Variants in LHFPL3 observed in about 807,000 individuals in gnomAD.
The protein encoded by LHFPL3 is LHFPL tetraspan subfamily member 3, also known as LHFPL tetraspan subfamily member 3 protein.
Under a neutral mutation model 19.3 loss-of-function variants are expected in LHFPL3, and 5 were observed. The observed-to-expected ratio is 0.26, with a 90% CI of 0.14 to 0.54. The LOEUF (loss-of-function observed/expected upper bound fraction) is 0.54. Among genes scored for constraint, LHFPL3 ranks in the 20% least tolerant of loss-of-function variants. The pLI, the probability that LHFPL3 is intolerant of heterozygous loss-of-function variation, is 0.94. For synonymous variants in LHFPL3, 133 were observed against 126.2 expected, an observed-to-expected ratio of 1.05 and a Z score of -0.36; for missense variants, 249 against 307.4, an observed-to-expected ratio of 0.81 and a Z score of 1.42.
At chr7:104,420,669 C>T (rs1206555206) in intron 1 of LHFPL3, among the ~76,000 whole-genome samples, 3 of 150,160 alleles carry the variant, frequency 2.0e-5, no homozygotes, top group Non-Finnish European at 4.4e-5. Flanking sequence ...ACGCCATTCT[C>T]CTGCCTCAGC....
At chr7:104,737,055 C>A in intron 2 of LHFPL3, 144 bp downstream of exon 2, 1 of 620,572 alleles carries the variant, frequency 1.6e-6, no homozygotes, top group Non-Finnish European at 2.8e-6. Flanking sequence ...GCAGACTTTA[C>A]CCCAGACTCA....
chr7:104,814,157 G>T (rs1448303203), intron 2 of LHFPL3, among the ~76,000 whole-genome samples: 2 of 152,108 alleles, frequency 1.3e-5, no homozygotes, highest in African/African-American at 4.8e-5. Flanking sequence ...TCGGCTCCTA[G>T]CAGAGGGTAG....
At chr7:104,420,853 C>T (rs1171399001) in intron 1 of LHFPL3, among the ~76,000 whole-genome samples, 2 of 152,186 alleles carry the variant, frequency 1.3e-5, no homozygotes, top group Admixed American at 1.3e-4. Flanking sequence ...TGAGCCACCG[C>T]GCCCGGCCCC....
intron 1 of LHFPL3, among the ~76,000 whole-genome samples, chr7:104,576,128 C>A (rs1790334607): frequency 6.6e-6 from 1 of 151,386 alleles, no homozygotes; most frequent in Non-Finnish European, 1.5e-5. Context: ...GGAAAATTCA[C>A]ATTTGAGGAG....
chr7:104,391,975 G>A (rs951201797), intron 1 of LHFPL3, among the ~76,000 whole-genome samples: 1 of 152,100 alleles, frequency 6.6e-6, no homozygotes, highest in Non-Finnish European at 1.5e-5. Flanking sequence ...CTCATGATTT[G>A]GCTTTCTGTT....
chr7:104,371,161 G>A (rs983396885), intron 1 of LHFPL3, among the ~76,000 whole-genome samples: 3 of 152,094 alleles, frequency 2.0e-5, no homozygotes, highest in African/African-American at 7.2e-5. Flanking sequence ...ATTCTTGAGA[G>A]CATAGACTCT....
At chr7:104,719,991 T>A (rs892338647) in intron 1 of LHFPL3, among the ~76,000 whole-genome samples, 4 of 152,068 alleles carry the variant, frequency 2.6e-5, no homozygotes, top group Non-Finnish European at 5.9e-5. Context: ...CCAAACCAAC[T>A]GAGAGCGATG....
intron 1 of LHFPL3, among the ~76,000 whole-genome samples, chr7:104,367,327 G>A (rs1445253289): frequency 6.6e-6 from 1 of 152,134 alleles, no homozygotes; most frequent in African/African-American, 2.4e-5. Flanking sequence ...TAAACATCAG[G>A]GCAGCCCTTG....
At chr7:104,607,530 A>T (rs548460705) in intron 1 of LHFPL3, among the ~76,000 whole-genome samples, 77 of 152,348 alleles carry the variant, frequency 5.1e-4, no homozygotes, top group Admixed American at 1.0e-3. Context: ...AGTCATCACC[A>T]TGAGTAAGTC....
chr7:104,435,295 A>G (rs1792081305), intron 1 of LHFPL3, among the ~76,000 whole-genome samples: 1 of 151,982 alleles, frequency 6.6e-6, no homozygotes, highest in African/African-American at 2.4e-5. Context: ...GGCATGTGCC[A>G]CTATGCCTGG....
chr7:104,561,288 A>T (rs1448531500), intron 1 of LHFPL3, among the ~76,000 whole-genome samples: 2 of 148,638 alleles, frequency 1.3e-5, no homozygotes, highest in East Asian at 3.9e-4. Context: ...GGGGTGTTAA[A>T]GTCTCTCATT....
Position 104,736,823 on chromosome 7 carries a change from G to C in LHFPL3, c.594G>C (p.Leu198Phe). 1 of 1,613,064 alleles carries C rather than the reference G, an allele frequency of 6.2e-7. No homozygotes were observed. The change falls in exon 2 of 3, where the codon TTG becomes TTC. Residue 198 changes from leucine to phenylalanine, a missense_variant. Coordinates refer to ENST00000424859, the MANE Select transcript of LHFPL3 (RefSeq NM_199000.3). ...ACATCCTGGCTATTATTGGAATTTT[G>C]GATGCCCTGATCCTCTCATTTCTAG... ...WAYILAIIGI[L>F]DALILSFLAF...
intron 1 of LHFPL3, among the ~76,000 whole-genome samples, chr7:104,447,896 T>G (rs1792361000): frequency 6.6e-6 from 1 of 152,180 alleles, no homozygotes; most frequent in Non-Finnish European, 1.5e-5. Context: ...AGGACACATG[T>G]ACTATGTTAA....
At chr7:104,600,821 A>G (rs1266566158) in intron 1 of LHFPL3, among the ~76,000 whole-genome samples, 1 of 152,218 alleles carries the variant, frequency 6.6e-6, no homozygotes, top group Non-Finnish European at 1.5e-5. Flanking sequence ...ACTGAGGTGC[A>G]TGGAGGTGAT....
chr7:104,338,321 G>C (rs942702685), intron 1 of LHFPL3, among the ~76,000 whole-genome samples: 7 of 151,972 alleles, frequency 4.6e-5, no homozygotes, highest in African/African-American at 1.4e-4. Context: ...GGATGGTCTC[G>C]ATCTCCTGAC....
intron 1 of LHFPL3, among the ~76,000 whole-genome samples, chr7:104,332,444 T>C (rs1190578104): frequency 6.6e-6 from 1 of 151,988 alleles, no homozygotes; most frequent in African/African-American, 2.4e-5. Flanking sequence ...TTGGCCAGGC[T>C]GGTCTGGAAC....
intron 1 of LHFPL3, among the ~76,000 whole-genome samples, chr7:104,452,083 G>A (rs1792449880): frequency 6.6e-6 from 1 of 151,996 alleles, no homozygotes; most frequent in Admixed American, 6.6e-5. Context: ...TCAGTAAAAA[G>A]AAAAGAAAAA....
chr7:104,430,419 C>CATATAT (rs1457442187), intron 1 of LHFPL3, among the ~76,000 whole-genome samples: 68 of 14,582 alleles, frequency 4.7e-3, no homozygotes, highest in Non-Finnish European at 6.4e-3. Flanking sequence ...TATATATATA[C>CATATAT]ATATATATAT....
intron 1 of LHFPL3, among the ~76,000 whole-genome samples, chr7:104,347,205 C>T (rs1368222741): frequency 6.6e-6 from 1 of 152,010 alleles, no homozygotes; most frequent in Non-Finnish European, 1.5e-5. Context: ...GTAGATTGCT[C>T]TTCTATAAAA....
Sources: allele counts gnomAD v4.1 joint callset (sites outside exome capture counted in the v4.1 genomes callset), GRCh38; gene constraint gnomAD v4.1.1; transcripts MANE v1.5; gene names NCBI Gene and HGNC (gene_info 2026-07-23, HGNC 2026-07-21).